The following MRTFB variants were observed in gnomAD, a reference collection of about 807,000 sequenced individuals.
MRTFB encodes the protein myocardin-related transcription factor B.
Under a neutral mutation model 104.2 loss-of-function variants are expected in MRTFB, and 29 were observed. The ratio of observed to expected loss-of-function variants is 0.28; its 90% confidence interval spans 0.21 to 0.38. The LOEUF is 0.38. MRTFB is among the 10% of genes least tolerant of loss of function. The pLI is 1.00. For missense variants in MRTFB, 1,270 were observed against 1,341.6 expected, an observed-to-expected ratio of 0.95 and a Z score of 0.83; for synonymous variants, 535 against 519.5, an observed-to-expected ratio of 1.03 and a Z score of -0.41.
the MRTFB span, chr16:14,020,502 AC>A: frequency 3.3e-5 from 5 of 152,148 alleles, no homozygotes; most frequent in Admixed American, 2.6e-4. Context: ...AAATTCAAAG[AC>A]CATCGCAGAG....
intron 16 of MRTFB, 127 bp from the exon 17 acceptor site, chr16:14,260,782 C>T: frequency 1.3e-6 from 1 of 749,492 alleles, no homozygotes; most frequent in South Asian, 1.9e-5. Flanking sequence ...GCATTCTCTT[C>T]CTACTTCTAA....
rs555053856 is a variant in MRTFB, at chr16:14,234,047, A to G, written c.694-99A>G. ...TATATTTTTCCTTTGCTTCTTTTCT[A>G]GTGGGCTTAAAAACCAGGTCATTCC... On this transcript the variant is annotated intron_variant, in intron 8 of 16. Transcript: ENST00000571589. The G allele has an allele frequency of 4.6e-5, 66 of 1,437,788 alleles. No homozygotes were observed. In the African/African-American group the frequency reaches 8.8e-4, roughly 19 times the overall value. The allele number at this position is 1,437,788 out of a possible 1,614,324, so 89.1% of individuals were successfully genotyped here.
Position 14,218,923 on chromosome 16 carries a change from G to T in MRTFB, c.618G>T (p.Gln206His), listed in dbSNP as rs749663624. The T allele has an allele frequency of 1.9e-6, 3 of 1,614,104 alleles. No homozygotes were observed. The highest frequency in any genetic ancestry group is 1.3e-5 in the African/African-American group (1 of 75,032). ...ACCAGCCTGCGAGTCAGGAGTCACA[G>T]GGGTCAGCCGCGTCCCCAAGTGAGC... ...SPDQPASQES[Q>H]GSAASPSEPK... Residue 206 changes from glutamine (Q) to histidine (H), a missense_variant, in exon 8 of 17, where the codon CAG (glutamine) becomes CAT (histidine). Gln to His is a conservative substitution (Grantham distance 24). Coordinates refer to ENST00000571589, the MANE Select transcript of MRTFB (RefSeq NM_001308142.2).
intron 2 of MRTFB, among the ~76,000 whole-genome samples, chr16:14,108,664 C>A (rs1360489769): frequency 6.6e-6 from 1 of 152,138 alleles, no homozygotes; most frequent in Non-Finnish European, 1.5e-5. Context: ...ATTCTGGATG[C>A]ATTTTATTTT....
the MRTFB span, among the ~76,000 whole-genome samples, chr16:14,066,075 T>A: frequency 2.0e-5 from 3 of 152,214 alleles, no homozygotes; most frequent in African/African-American, 7.2e-5. Flanking sequence ...CCTGTCTTGC[T>A]CATAGTTATT....
the MRTFB span, among the ~76,000 whole-genome samples, chr16:14,036,960 C>T: frequency 2.8e-5 from 1 of 35,208 alleles, no homozygotes; most frequent in Non-Finnish European, 4.9e-5. Context: ...GCCAGATCAT[C>T]TCACTTTTTT....
chr16:14,231,312 TAA>T (rs1567195360), intron 8 of MRTFB, among the ~76,000 whole-genome samples: 2 of 145,140 alleles, frequency 1.4e-5, no homozygotes, highest in African/African-American at 5.5e-5. Flanking sequence ...AAAAATAAAT[TAA>T]AAAAAGATTC....
chr16:14,134,334 T>G (rs560340872), intron 2 of MRTFB, among the ~76,000 whole-genome samples: 87 of 152,370 alleles, frequency 5.7e-4, no homozygotes, highest in Admixed American at 5.7e-3. Flanking sequence ...AAAACTCTAC[T>G]TAGAAGTTAT....
At chr16:14,104,856 A>G (rs1056195199) in intron 2 of MRTFB, among the ~76,000 whole-genome samples, 2 of 152,090 alleles carry the variant, frequency 1.3e-5, no homozygotes, top group African/African-American at 4.8e-5. Flanking sequence ...TCATATCTAC[A>G]TTTTGTTGGC....
chr16:14,117,015 C>A (rs866959359), intron 2 of MRTFB, among the ~76,000 whole-genome samples: 1 of 152,190 alleles, frequency 6.6e-6, no homozygotes. Context: ...TAGCTCAGCT[C>A]TCTCGGGACA....
intron 13 of MRTFB, among the ~76,000 whole-genome samples, chr16:14,250,148 T>G (rs1349438198): frequency 6.6e-6 from 1 of 152,262 alleles, no homozygotes; most frequent in Non-Finnish European, 1.5e-5. Flanking sequence ...TAGGAATCAT[T>G]ACTTCTAGTT....
In MRTFB at chr16:14,240,646, G is replaced by A. The variant is rs762464345; in HGVS notation, c.1079+162G>A. The stretch of plus-strand genomic sequence containing the variant: ...TCACACAGTGTCTGAAGTCCACATG[G>A]TGAGAGTGGCCTGCATTCCATTCCA... On this transcript the variant is annotated intron_variant, in intron 10 of 16. Coordinates refer to ENST00000571589, the MANE Select transcript of MRTFB (RefSeq NM_001308142.2). 3.3e-6 allele frequency: 4 copies of A among 1,209,078 alleles called. No individual in the cohort carries two copies. In the East Asian group the frequency reaches 9.3e-5, roughly 28 times the overall value. The allele number at this position is 1,209,078 out of a possible 1,614,324, so 74.9% of individuals were successfully genotyped here. A position where few individuals can be genotyped will look rare whatever the true frequency, so the allele number is the denominator to read the frequency against.
At position 14,262,388 on chromosome 16, in the gene MRTFB, C is replaced by G. The variant is rs1244252367; in HGVS notation, c.*944C>G. Reference sequence around the variant, plus strand: ...CTGACTAACTTTCAGGTAACCAGACCCATCTCAAAGAACCAAGAAAAGGCT... The same window carrying G: ...CTGACTAACTTTCAGGTAACCAGACGCATCTCAAAGAACCAAGAAAAGGCT... On this transcript the variant is annotated 3_prime_UTR_variant, in exon 17 of 17. Coordinates refer to ENST00000571589, the MANE Select transcript of MRTFB (RefSeq NM_001308142.2). The G allele has an allele frequency of 2.0e-5, 3 of 152,146 alleles. No homozygotes were observed. The highest frequency in any genetic ancestry group is 7.2e-5 in the African/African-American group (3 of 41,418). The allele number at this position is 152,146 out of a possible 1,614,324, so 9.4% of individuals were successfully genotyped here.
intron 3 of MRTFB, among the ~76,000 whole-genome samples, chr16:14,169,597 G>A (rs1280533206): frequency 6.6e-6 from 1 of 152,058 alleles, no homozygotes; most frequent in South Asian, 2.1e-4. Context: ...CTCTCTATGA[G>A]CAAAAACTTT....
intron 2 of MRTFB, among the ~76,000 whole-genome samples, chr16:14,112,378 C>T (rs1299367319): frequency 6.6e-6 from 1 of 151,988 alleles, no homozygotes; most frequent in Admixed American, 6.6e-5. Flanking sequence ...GAGTGGATGA[C>T]GGGGTTCAAA....
intron 9 of MRTFB, among the ~76,000 whole-genome samples, chr16:14,235,996 A>G (rs2042484964): frequency 6.6e-6 from 1 of 152,210 alleles, no homozygotes; most frequent in African/African-American, 2.4e-5. Flanking sequence ...CCTGGGCAAC[A>G]TGGCAAAACC....
the MRTFB span, chr16:14,018,973 C>T: frequency 6.6e-6 from 1 of 152,202 alleles, no homozygotes; most frequent in African/African-American, 2.4e-5. Flanking sequence ...GCTATTCCTT[C>T]CTTCTCTTCC....
In MRTFB at chr16:14,252,514, C is replaced by G. The variant is rs1234054837; in HGVS notation, c.2703+12C>G. On this transcript the variant is annotated intron_variant, in intron 15 of 16. Coordinates refer to ENST00000571589, the MANE Select transcript of MRTFB (RefSeq NM_001308142.2). ...CCCCTCTGCCAGAGGTAAGTGAGGG[C>G]ACGGTCATGGTGCATAAGGCTATGG... 1.2e-6 allele frequency: 2 copies of G among 1,613,730 alleles called. No homozygotes were observed. Among genetic ancestry groups the G allele is most frequent in the Admixed American group, 3.3e-5 (2 of 59,974 alleles).
intron 3 of MRTFB, chr16:14,143,526 T>TTA (rs1555489598): frequency 1.3e-5 from 2 of 149,416 alleles, no homozygotes; most frequent in African/African-American, 5.0e-5. Flanking sequence ...TTTTTTTTTT[T>TTA]ATACTTTAAG....
Sources: allele counts gnomAD v4.1 joint callset (sites outside exome capture counted in the v4.1 genomes callset), GRCh38; gene constraint gnomAD v4.1.1; transcripts MANE v1.5; gene names NCBI Gene and HGNC (gene_info 2026-07-23, HGNC 2026-07-21).